ARHGAP32: variants seen among roughly 807,000 people sequenced by gnomAD.
ARHGAP32 encodes the protein rho GTPase-activating protein 32.
ARHGAP32 carries 51 observed loss-of-function variants against 186.5 expected under a neutral mutation model. The ratio of observed to expected loss-of-function variants is 0.27; its 90% CI spans 0.22 to 0.35. The LOEUF is 0.35. Ranked by LOEUF, ARHGAP32 falls within the 10% of genes least tolerant of loss-of-function variation. The pLI, the probability that ARHGAP32 is intolerant of heterozygous loss-of-function variation, is 1.00. For missense variants in ARHGAP32, 2,186 were observed against 2,623.5 expected (o/e 0.83, Z 3.64); for synonymous variants, 950 against 964.3 (o/e 0.99, Z 0.27).
At chr11:129,057,165 C>T (rs1940287903) in intron 10 of ARHGAP32, among the ~76,000 whole-genome samples, 1 of 152,138 alleles carries the variant, frequency 6.6e-6, no homozygotes. Context: ...GGTCATCGGA[C>T]ATCCTCTCGG....
intron 20 of ARHGAP32, among the ~76,000 whole-genome samples, chr11:128,975,411 A>G (rs1414087246): frequency 6.6e-6 from 1 of 152,182 alleles, no homozygotes; most frequent in African/African-American, 2.4e-5. Context: ...TTTTGAATCT[A>G]TAATAGCAAA....
At chr11:129,112,995 A>G (rs1591626120) in intron 5 of ARHGAP32, among the ~76,000 whole-genome samples, 1 of 152,190 alleles carries the variant, frequency 6.6e-6, no homozygotes, top group Non-Finnish European at 1.5e-5. Context: ...TAGTCCTTAC[A>G]ACAGATTGAA....
At chr11:129,167,262 T>C (rs1943659101) in intron 1 of ARHGAP32, among the ~76,000 whole-genome samples, 2 of 152,146 alleles carry the variant, frequency 1.3e-5, no homozygotes, top group African/African-American at 2.4e-5. Context: ...CCCTCATTCA[T>C]TATTAGAAGG....
At chr11:129,173,303 T>C (rs61911013) in intron 1 of ARHGAP32, among the ~76,000 whole-genome samples, 274 of 150,742 alleles carry the variant, frequency 1.8e-3, no homozygotes, top group Middle Eastern at 3.4e-3. Context: ...AGTTCTGAAA[T>C]TGAGGCAGTA....
intron 1 of ARHGAP32, among the ~76,000 whole-genome samples, chr11:129,184,194 A>G (rs1944109712): frequency 6.6e-6 from 1 of 152,156 alleles, no homozygotes; most frequent in Non-Finnish European, 1.5e-5. Flanking sequence ...ACTGACCAGA[A>G]GGACTAGGGC....
intron 1 of ARHGAP32, among the ~76,000 whole-genome samples, chr11:129,171,058 G>A (rs2135503980): frequency 6.6e-6 from 1 of 152,204 alleles, no homozygotes; most frequent in East Asian, 1.9e-4. Context: ...CCTTGTAAAT[G>A]CTGGATATTA....
chr11:129,081,349 G>A (rs1941214196), intron 6 of ARHGAP32, among the ~76,000 whole-genome samples: 1 of 151,942 alleles, frequency 6.6e-6, no homozygotes, highest in Non-Finnish European at 1.5e-5. Context: ...AAGAACAGAT[G>A]TAAAAATCCT....
At chr11:129,167,175 T>C (rs1051768382) in intron 1 of ARHGAP32, among the ~76,000 whole-genome samples, 2 of 152,074 alleles carry the variant, frequency 1.3e-5, no homozygotes, top group Non-Finnish European at 2.9e-5. Context: ...AATATTAAAA[T>C]GGTAAACTTA....
intron 10 of ARHGAP32, among the ~76,000 whole-genome samples, chr11:129,043,408 C>CG: frequency 8.8e-6 from 1 of 113,270 alleles, no homozygotes. Context: ...TTTTGCGCAA[C>CG]GGAGGTTCGT....
intron 22 of ARHGAP32, 197 bp from the exon 23 acceptor site, chr11:128,971,356 T>C (rs189493379): frequency 2.1e-5 from 11 of 529,914 alleles, no homozygotes; most frequent in Admixed American, 6.9e-5. Flanking sequence ...CCCAGTATTA[T>C]CTTTGGAGAA....
chr11:129,180,997 A>G lies in ARHGAP32; in HGVS notation c.116+11086T>C, dbSNP rs561930975. Among the ~76,000 whole-genome samples the G allele has an allele frequency of 3.9e-5, 6 of 152,286 alleles. No individual in the cohort carries two copies. In the South Asian group the frequency reaches 6.2e-4, roughly 16 times the overall value. ...ACACTTGACAATGTTGAAGTTCCACAGAGAAGTCCAAGCGGATTTCCTTCT... is the reference window on the plus strand; with the variant it reads ...ACACTTGACAATGTTGAAGTTCCACGGAGAAGTCCAAGCGGATTTCCTTCT... On this transcript the variant is annotated intron_variant, in intron 1 of 22. Transcript: ENST00000682385.
At position 129,060,487 on chromosome 11, in the gene ARHGAP32, G is replaced by T. The variant is rs1311664097; in HGVS notation, c.963+1793C>A. 2.6e-5 allele frequency among the ~76,000 whole-genome samples: 4 copies of T among 152,114 alleles called. No individual in the cohort carries two copies. The South Asian group carries it at 6.2e-4, about 24-fold the overall frequency. ...AAATTAATCTTTTGATCATCTTTGA[G>T]ACCCTTAAGTCTATTGTTCATTTCC... On this transcript the variant is annotated intron_variant, in intron 10 of 22. Coordinates refer to ENST00000682385, the MANE Select transcript of ARHGAP32 (RefSeq NM_001378024.1).
chr11:128,976,903 TTAAC>T (rs1462477345), intron 19 of ARHGAP32, among the ~76,000 whole-genome samples: 1 of 152,182 alleles, frequency 6.6e-6, no homozygotes, highest in Non-Finnish European at 1.5e-5. Flanking sequence ...AGCAGAGAGA[TTAAC>T]TAAGATGCTT....
chr11:129,267,510 A>C (rs1945419064), intron 1 of ARHGAP32, among the ~76,000 whole-genome samples: 1 of 150,872 alleles, frequency 6.6e-6, no homozygotes, highest in Non-Finnish European at 1.5e-5. Context: ...TTGTATAGAC[A>C]TATGTTTCGA....
chr11:129,144,107 C>T (rs1276028338), intron 2 of ARHGAP32, among the ~76,000 whole-genome samples: 3 of 152,146 alleles, frequency 2.0e-5, no homozygotes, highest in Non-Finnish European at 4.4e-5. Flanking sequence ...AACTGAGTTA[C>T]ATGTGTGAAT....
intron 1 of ARHGAP32, among the ~76,000 whole-genome samples, chr11:129,201,184 C>T (rs746052276): frequency 3.3e-5 from 5 of 152,064 alleles, no homozygotes; most frequent in South Asian, 2.1e-4. Context: ...ATTTCATAAC[C>T]GTATGAATAA....
chr11:129,205,456 A>T (rs1944504153), intron 1 of ARHGAP32, among the ~76,000 whole-genome samples: 1 of 152,148 alleles, frequency 6.6e-6, no homozygotes, highest in Admixed American at 6.5e-5. Flanking sequence ...CATGGTTTCC[A>T]TTTAGAAATA....
Position 129,085,615 on chromosome 11 carries a change from G to T in ARHGAP32, c.531+8006C>A, listed in dbSNP as rs534378587. 2.6e-5 allele frequency among the ~76,000 whole-genome samples: 4 copies of T among 152,184 alleles called. No homozygotes were observed. In the East Asian group the frequency reaches 7.7e-4, roughly 29 times the overall value. On this transcript the variant is annotated intron_variant, in intron 6 of 22. Transcript: ENST00000682385. ...GTTGATACTGATTCTAAAGTATTAT[G>T]GAGAAGCAAAAGACCCAGAAAAACC...
chr11:129,100,803 C>A (rs1446268172), intron 5 of ARHGAP32, among the ~76,000 whole-genome samples: 1 of 152,182 alleles, frequency 6.6e-6, no homozygotes, highest in African/African-American at 2.4e-5. Flanking sequence ...ACCTCCAGCA[C>A]AACTGTGTGC....
Sources: allele counts gnomAD v4.1 joint callset (sites outside exome capture counted in the v4.1 genomes callset), GRCh38; gene constraint gnomAD v4.1.1; transcripts MANE v1.5; gene names NCBI Gene and HGNC (gene_info 2026-07-23, HGNC 2026-07-21).